Variants in CLK1 observed in about 807,000 individuals in gnomAD.
CLK1 encodes dual specificity protein kinase CLK1.
Under a neutral mutation model 60.9 loss-of-function variants are expected in CLK1, and 40 were observed. The ratio of observed to expected loss-of-function variants is 0.66; its 90% CI spans 0.51 to 0.86. The LOEUF (loss-of-function observed/expected upper bound fraction) is 0.86, where lower values mean the gene tolerates loss of function less well. CLK1 is among the 40% of genes least tolerant of loss of function. CLK1 has a pLI of 0.00. For synonymous variants in CLK1, 203 were observed against 184.4 expected, an observed-to-expected ratio of 1.10 and a Z score of -0.82; for missense variants, 563 against 606.1, an observed-to-expected ratio of 0.93 and a Z score of 0.75.
At chr2:200,860,869 A>G in intron 3 of CLK1, 1 of 1,060,836 alleles carries the variant, frequency 9.4e-7, no homozygotes, top group African/African-American at 1.7e-5. Context: ...AAATTATACA[A>G]AAATAAAATG....
At chr2:200,854,332 G>A (rs2039003491) in intron 11 of CLK1, among the ~76,000 whole-genome samples, 1 of 152,096 alleles carries the variant, frequency 6.6e-6, no homozygotes, top group Non-Finnish European at 1.5e-5. Context: ...TCAGGAGATC[G>A]AGACCATCCT....
intron 3 of CLK1, 122 bp downstream of exon 3, chr2:200,861,116 T>A: frequency 6.7e-7 from 1 of 1,484,516 alleles, no homozygotes. Context: ...GAAAAAATCC[T>A]GCAGGTTAAA....
intron 11 of CLK1, 64 bp downstream of exon 11, chr2:200,854,549 AAAT>A: frequency 3.8e-6 from 4 of 1,050,204 alleles, no homozygotes; most frequent in Admixed American, 2.0e-5. Flanking sequence ...AAAAAAAAAA[AAAT>A]TAAGTTCTAA....
chr2:200,855,038 A>G lies in CLK1; in HGVS notation c.1106T>C (p.Leu369Pro). The G allele has an allele frequency of 4.3e-6, 7 of 1,613,234 alleles. No homozygotes were observed. Among genetic ancestry groups the G allele is most frequent in the Non-Finnish European group, 5.9e-6 (7 of 1,179,720 alleles). Residue 369 changes from leucine to proline, a missense_variant, in exon 10 of 13, where the codon CTT (leucine) becomes CCT (proline). Leu to Pro is a moderately conservative substitution (Grantham distance 98, BLOSUM62 -3). Coordinates refer to ENST00000321356, the MANE Select transcript of CLK1 (RefSeq NM_004071.4). ...PCDVWSIGCI[L>P]IEYYLGFTVF... ...GGTAAACCCAAGATAGTATTCAATA[A>G]GAATGCATCCTATGCTCCAGACATC...
At chr2:200,858,152 T>C (rs576107146) in intron 5 of CLK1, 63 bp from the exon 6 acceptor site, 3 of 1,076,850 alleles carry the variant, frequency 2.8e-6, no homozygotes, top group African/African-American at 1.5e-5. Context: ...CAGGTATTAC[T>C]GTCTTCAAAC....
Position 200,856,893 on chromosome 2 carries a change from T to C in CLK1, c.925A>G (p.Ile309Val). The C allele has an allele frequency of 3.1e-6, 5 of 1,614,146 alleles. No homozygotes were observed. Among genetic ancestry groups the C allele is most frequent in the Non-Finnish European group, 4.2e-6 (5 of 1,179,954 alleles). Residue 309 changes from isoleucine (I) to valine (V), a missense_variant and splice_region_variant, in exon 8 of 13, where the codon ATA becomes GTA. This residue lies in a region of CLK1 where 360 missense variants were observed against 407.0 expected (regional missense o/e 0.88). Coordinates refer to ENST00000321356, the MANE Select transcript of CLK1 (RefSeq NM_004071.4). ...SDYTEAYNPK[I>V]KRDERTLINP... Reference sequence around the variant, plus strand: ...TATGAATATTTTGGAAGACTTACTATTTTGGGATTATACGCCTCTGTGTAG... The same window carrying C: ...TATGAATATTTTGGAAGACTTACTACTTTGGGATTATACGCCTCTGTGTAG...
At position 200,861,439 on chromosome 2, in the gene CLK1, A is replaced by T; in HGVS notation, c.189T>A (p.Asn63Lys). Residue 63 changes from asparagine (N) to lysine (K), a missense_variant, in exon 3 of 13, where the codon AAT (asparagine) becomes AAA (lysine). Coordinates refer to ENST00000321356, the MANE Select transcript of CLK1 (RefSeq NM_004071.4). ...DSHYLESRSI[N>K]EKDYHSRRYI... ...AGCGTCGACTATGATAATCTTTCTC[A>T]TTTATAGACCTGCTTTCCAAATAAT... The T allele has an allele frequency of 6.2e-7, 1 of 1,613,684 alleles. No homozygotes were observed. Among genetic ancestry groups the T allele is most frequent in the Middle Eastern group, 1.6e-4 (1 of 6,062 alleles).
Position 200,856,981 on chromosome 2 carries a change from C to G in CLK1, c.837G>C (p.Leu279Phe). 6.2e-7 allele frequency: 1 copy of G among 1,612,682 alleles called. No individual in the cohort carries two copies. Among genetic ancestry groups the G allele is most frequent in the Non-Finnish European group, 8.5e-7 (1 of 1,179,044 alleles). The change falls in exon 8 of 13, where the codon TTG becomes TTC. Residue 279 changes from leucine (L) to phenylalanine (F), a missense_variant. Coordinates refer to ENST00000321356, the MANE Select transcript of CLK1 (RefSeq NM_004071.4). ...AYQICKSVNF[L>F]HSNKLTHTDL... ...CTGTGTGAGTCAACTTATTACTGTG[C>G]AAAACTGAGAATAAAGAGAAAGTTG...
chr2:200,859,894 T>A, intron 4 of CLK1, 148 bp from the exon 5 acceptor site: 8 of 1,442,406 alleles, frequency 5.5e-6, no homozygotes, highest in Non-Finnish European at 7.3e-6. Context: ...TCAAAAAACA[T>A]AATTATTAGG....
intron 5 of CLK1, among the ~76,000 whole-genome samples, chr2:200,858,806 TAACAAC>T (rs57925642): frequency 8.0e-4 from 110 of 137,896 alleles, no homozygotes; most frequent in East Asian, 2.4e-3. Flanking sequence ...GGAAGAACAA[TAACAAC>T]AACAACAACA....
chr2:200,853,936 G>C lies in CLK1; in HGVS notation c.1278C>G (p.Gly426=). The C allele has an allele frequency of 6.2e-7, 1 of 1,612,450 alleles. No homozygotes were observed. The highest frequency in any genetic ancestry group is 8.5e-7 in the Non-Finnish European group (1 of 1,179,226). ...GTTTACAGCGTCTTGAAACATATCT[G>C]CCGGCAGAACTGTGTTCATCCCAGT... ...RLDWDEHSSA[G]RYVSRRCKPL... Residue 426 remains glycine (G), a synonymous_variant, in exon 12 of 13, where the codon GGC becomes GGG. Coordinates refer to ENST00000321356, the MANE Select transcript of CLK1 (RefSeq NM_004071.4).
intron 12 of CLK1, among the ~76,000 whole-genome samples, 191 bp downstream of exon 12, chr2:200,853,712 T>TGGCATCCA (rs2038989809): frequency 8.5e-6 from 1 of 118,138 alleles, no homozygotes; most frequent in African/African-American, 3.2e-5. Context: ...AAAAGCGTGG[T>TGGCATCCA]GGCATCCATC....
intron 1 of CLK1, among the ~76,000 whole-genome samples, chr2:200,862,563 C>T (rs573112220): frequency 6.6e-6 from 1 of 152,182 alleles, no homozygotes; most frequent in African/African-American, 2.4e-5. Flanking sequence ...ATAATCCCAC[C>T]ACCCTTTGCC....
At chr2:200,863,207 T>C (rs1388680833) in intron 1 of CLK1, 2 of 152,184 alleles carry the variant, frequency 1.3e-5, no homozygotes, top group Non-Finnish European at 2.9e-5. Context: ...GTGACACTAA[T>C]AACTATTAAG....
rs763052500 is a variant in CLK1 at position 200,860,191 on chromosome 2, T to C, written c.415A>G (p.Arg139Gly). 1.2e-6 allele frequency: 2 copies of C among 1,614,120 alleles called. No individual in the cohort carries two copies. Among genetic ancestry groups the C allele is most frequent in the African/African-American group, 1.3e-5 (1 of 75,026 alleles). ...CCCTCCTCATCATCCTCTACACTCCTGGTTCTTTTCCTTCGGTGACTCTTC... is the reference window on the plus strand; with the variant it reads ...CCCTCCTCATCATCCTCTACACTCCCGGTTCTTTTCCTTCGGTGACTCTTC... ...HGKSHRRKRT[R>G]SVEDDEEGHL... The change falls in exon 4 of 13, where the codon AGG becomes GGG. Residue 139 changes from arginine (R) to glycine (G), a missense_variant. By Grantham distance (125) the Arg-to-Gly change is moderately radical. This residue lies in a region of CLK1 where 198 missense variants were observed against 179.2 expected (regional missense o/e 1.10). Coordinates refer to ENST00000321356, the MANE Select transcript of CLK1 (RefSeq NM_004071.4).
In CLK1 at chr2:200,857,749, C is replaced by T; in HGVS notation, c.801G>A (p.Lys267=). Residue 267 remains lysine (K), a synonymous_variant, in exon 7 of 13, where the codon AAG becomes AAA. Transcript: ENST00000321356. ...CAGACTTGCATATCTGATATGCCAT[C>T]TTTCTGATATGATCCAGTCGAAATG... ...FLPFRLDHIR[K]MAYQICKSVN... 6.2e-7 allele frequency: 1 copy of T among 1,605,248 alleles called. No individual in the cohort carries two copies. The highest frequency in any genetic ancestry group is 1.1e-5 in the South Asian group (1 of 89,258).
At chr2:200,858,591 G>A (rs1178257636) in intron 5 of CLK1, among the ~76,000 whole-genome samples, 1 of 152,114 alleles carries the variant, frequency 6.6e-6, no homozygotes, top group African/African-American at 2.4e-5. Flanking sequence ...CAGCTTCCTG[G>A]GAGGCTGAGG....
Position 200,860,203 on chromosome 2 carries a change from T to C in CLK1, c.403A>G (p.Arg135Gly), listed in dbSNP as rs575869435. 12 of 1,614,076 alleles carry C rather than the reference T, an allele frequency of 7.4e-6. No homozygotes were observed. In the South Asian group the frequency reaches 1.3e-4, roughly 18 times the overall value. The change falls in exon 4 of 13, where the codon AGG (arginine) becomes GGG (glycine). Residue 135 changes from arginine to glycine, a missense_variant. Physicochemically the swap from Arg to Gly is moderately radical, Grantham distance 125. Coordinates refer to ENST00000321356, the MANE Select transcript of CLK1 (RefSeq NM_004071.4). ...HRRSHGKSHR[R>G]KRTRSVEDDE... Reference sequence around the variant, plus strand: ...TCCTCTACACTCCTGGTTCTTTTCCTTCGGTGACTCTTCTGGAAACGTCAA... The same window carrying C: ...TCCTCTACACTCCTGGTTCTTTTCCCTCGGTGACTCTTCTGGAAACGTCAA...
chr2:200,863,917 G>A (rs545537047), intron 1 of CLK1, among the ~76,000 whole-genome samples: 1 of 152,214 alleles, frequency 6.6e-6, no homozygotes, highest in South Asian at 2.1e-4. Flanking sequence ...TAAAATTCTC[G>A]GTCACCTGAC....
Sources: allele counts gnomAD v4.1 joint callset (sites outside exome capture counted in the v4.1 genomes callset), GRCh38; gene constraint gnomAD v4.1.1; regional missense constraint gnomAD v4.1.1; transcripts MANE v1.5; gene names NCBI Gene and HGNC (gene_info 2026-07-23, HGNC 2026-07-21).